Variants in NCAN observed in about 807,000 individuals in gnomAD.
NCAN encodes neurocan core protein.
NCAN carries 47 observed loss-of-function variants against 121.8 expected under a neutral mutation model. The ratio of observed to expected loss-of-function variants is 0.39; its 90% confidence interval spans 0.31 to 0.49. The LOEUF (loss-of-function observed/expected upper bound fraction) is 0.49. Ranked by LOEUF, NCAN falls within the 20% of genes least tolerant of loss-of-function variation. The probability of loss-of-function intolerance (pLI) is 0.92; values close to 1 mark genes in which losing one functional copy is unlikely to be tolerated. For missense variants in NCAN, 1,517 were observed against 1,773.4 expected (o/e 0.86, Z 2.60); for synonymous variants, 633 against 702.0 (o/e 0.90, Z 1.55).
intron 3 of NCAN, among the ~76,000 whole-genome samples, chr19:19,220,530 T>C (rs2060812845): frequency 7.7e-6 from 1 of 130,294 alleles, no homozygotes; most frequent in African/African-American, 2.9e-5. Context: ...TGATCTCAAC[T>C]CATCGCCAGC....
At position 19,235,063 on chromosome 19, in the gene NCAN, C is replaced by A. The variant is rs2060875911; in HGVS notation, c.3217C>A (p.Leu1073Ile). The change falls in exon 10 of 15, where the codon CTC becomes ATC. Residue 1073 changes from leucine (L) to isoleucine (I), a missense_variant. Leu to Ile is a conservative substitution (Grantham distance 5). Coordinates refer to ENST00000252575, the MANE Select transcript of NCAN (RefSeq NM_004386.3). ...GGTCAATGGCTTTGTCTGCCTTTGC[C>A]TCCCCAGCTATGGGGGCAGCTTTTG... The part of the protein sequence containing the change: ...DEVNGFVCLC[L>I]PSYGGSFCEK... 6.2e-7 allele frequency: 1 copy of A among 1,612,888 alleles called. No individual in the cohort carries two copies. Among genetic ancestry groups the A allele is most frequent in the Non-Finnish European group, 8.5e-7 (1 of 1,179,148 alleles).
rs1424635199 is a variant in NCAN, at chr19:19,239,000, G to A, written c.3409+589G>A. Among the ~76,000 whole-genome samples, 7 of 151,998 alleles carry A rather than the reference G, an allele frequency of 4.6e-5. No homozygotes were observed. In the South Asian group the frequency reaches 6.2e-4, roughly 13 times the overall value. ...TCCGTTTGCCACCATCCCATCCCTC[G>A]TGACTCCTTCCTTTCTTCCTTCCCT... On this transcript the variant is annotated intron_variant, in intron 11 of 14. Transcript: ENST00000252575.
rs770518829 is a variant in NCAN at position 19,238,519 on chromosome 19, C to G, written c.3409+108C>G. 2.2e-6 allele frequency: 3 copies of G among 1,350,094 alleles called. No homozygotes were observed. In the African/African-American group the frequency reaches 4.3e-5, roughly 19 times the overall value. 83.6% of individuals were successfully genotyped at this position (1,350,094 alleles called of 1,614,324 possible). The stretch of plus-strand genomic sequence containing the variant: ...CCTCCCCTGGTTTTCAAGACGTCAT[C>G]TTTCCAAAGCTGTGTTCATTAACGC... On this transcript the variant is annotated intron_variant, in intron 11 of 14. Coordinates refer to ENST00000252575, the MANE Select transcript of NCAN (RefSeq NM_004386.3).
At chr19:19,240,462 C>A in intron 11 of NCAN, 141 bp from the exon 12 acceptor site, 2 of 733,112 alleles carry the variant, frequency 2.7e-6, no homozygotes, top group Middle Eastern at 3.5e-4. Context: ...CTAGATCTTT[C>A]CCCCCACCCA....
intron 3 of NCAN, among the ~76,000 whole-genome samples, chr19:19,220,447 A>ATTT (rs1343151998): frequency 3.7e-5 from 4 of 108,724 alleles, no homozygotes; most frequent in African/African-American, 6.9e-5. Flanking sequence ...TGTTTAGGCA[A>ATTT]TTCTTTTTTT....
Position 19,230,883 on chromosome 19 carries a change from C to CTGTGTGTGTGTGTGTGTG in NCAN, c.3019+2272_3019+2289dup, listed in dbSNP as rs367759381. ...ACAGGCATGCAACCACCACACCCGGCTGTGTGTGTGTGTGTGTGTGTGTGT... is the reference window on the plus strand; with the variant it reads ...ACAGGCATGCAACCACCACACCCGGCTGTGTGTGTGTGTGTGTGTGTGTGTGTGTGTGTGTGTGTGTGT... On this transcript the variant is annotated intron_variant, in intron 8 of 14. Coordinates refer to ENST00000252575, the MANE Select transcript of NCAN (RefSeq NM_004386.3). 1.1e-3 allele frequency among the ~76,000 whole-genome samples: 134 copies of CTGTGTGTGTGTGTGTGTG among 121,832 alleles called. 2 individuals are homozygous for CTGTGTGTGTGTGTGTGTG. Among genetic ancestry groups the CTGTGTGTGTGTGTGTGTG allele is most frequent in the Non-Finnish European group, 1.6e-3 (92 of 58,520 alleles). The allele number at this position is 121,832 out of a possible 152,430, so 79.9% of individuals were successfully genotyped here.
chr19:19,250,816 TG>T lies in NCAN; in HGVS notation c.*907del, dbSNP rs2060943761. On this transcript the variant is annotated 3_prime_UTR_variant, in exon 15 of 15. Coordinates refer to ENST00000252575, the MANE Select transcript of NCAN (RefSeq NM_004386.3). ...ACATACCCAGTCCTTAAGCAGACAT[TG>T]GTAGTGCCCCTGCCCTGGGTCCCAC... 6.4e-6 allele frequency: 1 copy of T among 156,912 alleles called. No individual in the cohort carries two copies. The highest frequency in any genetic ancestry group is 1.7e-4 in the East Asian group (1 of 6,016). 9.7% of individuals were successfully genotyped at this position (156,912 alleles called of 1,614,324 possible).
rs10426537 is a variant in NCAN, at chr19:19,228,133, G to A, written c.2513G>A (p.Ser838Asn). Reference protein sequence around the residue: ...PMDSTVTPAPSDASGIWEPGS... With the variant: ...PMDSTVTPAPNDASGIWEPGS... Reference sequence around the variant, plus strand: ...GATTCCACAGTCACGCCGGCCCCCAGTGATGCTAGTGGAATTTGGGAACCT... The same window carrying A: ...GATTCCACAGTCACGCCGGCCCCCAATGATGCTAGTGGAATTTGGGAACCT... The change falls in exon 8 of 15, where the codon AGT becomes AAT. Residue 838 changes from serine (S) to asparagine (N), a missense_variant. Coordinates refer to ENST00000252575, the MANE Select transcript of NCAN (RefSeq NM_004386.3). 7.6e-3 allele frequency: 12,309 copies of A among 1,613,722 alleles called. 364 individuals carry two copies. The African/African-American group carries it at 0.078, about 10-fold the overall frequency.
chr19:19,223,991 T>C, intron 3 of NCAN, 30 bp from the exon 4 acceptor site: 1 of 1,494,956 alleles, frequency 6.7e-7, no homozygotes, highest in Non-Finnish European at 9.0e-7. Context: ...ATAAGTCAAC[T>C]GTCCCCCCAT....
intron 12 of NCAN, among the ~76,000 whole-genome samples, chr19:19,240,952 C>T (rs73922843): frequency 0.068 from 10,377 of 152,206 alleles, 622 homozygotes; most frequent in African/African-American, 0.15. Flanking sequence ...CTCACTCTGC[C>T]TGGTCCCCCA....
chr19:19,227,034 T>C lies in NCAN; in HGVS notation c.1621T>C (p.Trp541Arg). 5.3e-6 allele frequency: 8 copies of C among 1,517,424 alleles called. No homozygotes were observed. The highest frequency in any genetic ancestry group is 6.2e-6 in the Non-Finnish European group (7 of 1,134,598). The allele number at this position is 1,517,424 out of a possible 1,614,324, so 94.0% of individuals were successfully genotyped here. ...GGGCAGTGGCCAGAGCCGGAGCCCC[T>C]GGGCTGATCTGACCAATGAGGTGGA... is the stretch of plus-strand genomic sequence containing the variant. ...MLGSGQSRSP[W>R]ADLTNEVDMP... Residue 541 changes from tryptophan to arginine, a missense_variant, in exon 7 of 15, where the codon TGG (tryptophan) becomes CGG (arginine). Coordinates refer to ENST00000252575, the MANE Select transcript of NCAN (RefSeq NM_004386.3). This position sits in a 1 kb window ranked among gnomAD's most constrained non-coding sequence, Gnocchi z 4.2.
Position 19,219,120 on chromosome 19 carries a change from C to T in NCAN, c.279C>T (p.Ile93=), listed in dbSNP as rs1198731692. The T allele has an allele frequency of 2.5e-6, 4 of 1,613,420 alleles. No individual in the cohort carries two copies. The highest frequency in any genetic ancestry group is 1.7e-5 in the Admixed American group (1 of 59,960). ...CGGGCCAGCGACAGGACTTGCCCAT[C>T]CTGGTGGCCAAGGACAATGTCGTGA... ...TASGQRQDLP[I]LVAKDNVVRV... The change falls in exon 3 of 15, where the codon ATC becomes ATT. Residue 93 remains isoleucine (I), a synonymous_variant. Transcript: ENST00000252575.
In NCAN at chr19:19,219,159, C is replaced by G. The variant is rs1456156825; in HGVS notation, c.318C>G (p.Ser106Arg). 1 of 1,613,574 alleles carries G rather than the reference C, an allele frequency of 6.2e-7. No homozygotes were observed. Among genetic ancestry groups the G allele is most frequent in the African/African-American group, 1.3e-5 (1 of 74,950 alleles). The change falls in exon 3 of 15, where the codon AGC becomes AGG. Residue 106 changes from serine (S) to arginine (R), a missense_variant. Coordinates refer to ENST00000252575, the MANE Select transcript of NCAN (RefSeq NM_004386.3). ...ACAATGTCGTGAGGGTGGCCAAAAG[C>G]TGGCAGGGACGAGTGTCACTGCCTT... The part of the protein sequence containing the change: ...AKDNVVRVAK[S>R]WQGRVSLPSY...
rs746882302 is a variant in NCAN, at chr19:19,228,419, G to A, written c.2799G>A (p.Pro933=). ...LGKPAVPPGT[P]TAASVGESAS... is the part of the protein sequence containing the mutation. The stretch of plus-strand genomic sequence containing the variant: ...AACCGGCTGTTCCTCCTGGGACACC[G>A]ACTGCAGCCAGTGTGGGCGAGTCTG... The change falls in exon 8 of 15, where the codon CCG becomes CCA. Residue 933 remains proline (P), a synonymous_variant. Transcript: ENST00000252575. The A allele has an allele frequency of 1.2e-6, 2 of 1,613,466 alleles. No individual in the cohort carries two copies. Among genetic ancestry groups the A allele is most frequent in the African/African-American group, 1.3e-5 (1 of 74,918 alleles).
chr19:19,235,040 T>C lies in NCAN; in HGVS notation c.3194T>C (p.Val1065Ala). Residue 1065 changes from valine to alanine, a missense_variant, in exon 10 of 15, where the codon GTC (valine) becomes GCC (alanine). Physicochemically the swap from Val to Ala is moderately conservative, Grantham distance 64. Coordinates refer to ENST00000252575, the MANE Select transcript of NCAN (RefSeq NM_004386.3). ...CENGGTCIDE[V>A]NGFVCLCLPS... ...AATGGAGGCACCTGTATTGATGAGG[T>C]CAATGGCTTTGTCTGCCTTTGCCTC... The C allele has an allele frequency of 6.2e-7, 1 of 1,613,116 alleles. No homozygotes were observed. The highest frequency in any genetic ancestry group is 8.5e-7 in the Non-Finnish European group (1 of 1,179,266).
chr19:19,224,923 G>A, intron 5 of NCAN, 54 bp from the exon 6 acceptor site: 1 of 1,346,500 alleles, frequency 7.4e-7, no homozygotes, highest in Non-Finnish European at 9.6e-7. Flanking sequence ...CCACTTCCTG[G>A]GCTCCAGGGG....
rs1394733688 is a variant in NCAN, at chr19:19,250,408, G to A, written c.*497G>A. The stretch of plus-strand genomic sequence containing the variant: ...ACAGAAGCACACTGTTTTTGAACTT[G>A]ACAACAGCTCTCCCTTTACCCTGGA... On this transcript the variant is annotated 3_prime_UTR_variant, in exon 15 of 15. Transcript: ENST00000252575. 1 of 332,166 alleles carries A rather than the reference G, an allele frequency of 3.0e-6. No homozygotes were observed. The highest frequency in any genetic ancestry group is 2.2e-5 in the African/African-American group (1 of 46,278). The allele number at this position is 332,166 out of a possible 1,614,324, so 20.6% of individuals were successfully genotyped here.
chr19:19,213,724 C>G (rs2060784946), intron 1 of NCAN, among the ~76,000 whole-genome samples: 1 of 152,008 alleles, frequency 6.6e-6, no homozygotes, highest in Admixed American at 6.6e-5. Context: ...GCAGTGTGCA[C>G]CCTTGGCACG....
chr19:19,214,170 TG>T (rs1035828702), intron 1 of NCAN, among the ~76,000 whole-genome samples: 2 of 151,910 alleles, frequency 1.3e-5, no homozygotes, highest in Non-Finnish European at 2.9e-5. Context: ...AGACTTGAGG[TG>T]GGGGTGAAGT....
Sources: allele counts gnomAD v4.1 joint callset (sites outside exome capture counted in the v4.1 genomes callset), GRCh38; gene constraint gnomAD v4.1.1; non-coding constraint Gnocchi (gnomAD v3.1); transcripts MANE v1.5; gene names NCBI Gene and HGNC (gene_info 2026-07-23, HGNC 2026-07-21).